KCNQ1: variants seen among roughly 807,000 people sequenced by gnomAD.
The protein encoded by KCNQ1 is potassium voltage-gated channel subfamily Q member 1.
Under a neutral mutation model 72.4 loss-of-function variants are expected in KCNQ1, and 49 were observed. That is an observed-to-expected ratio of 0.68 (90% CI 0.54 to 0.86). KCNQ1 has a LOEUF of 0.86. KCNQ1 is among the 40% of genes least tolerant of loss of function. The probability of loss-of-function intolerance (pLI) is 0.00; values close to 1 mark genes in which losing one functional copy is unlikely to be tolerated. For missense variants in KCNQ1, 790 were observed against 945.1 expected, an observed-to-expected ratio of 0.84 and a Z score of 2.15; for synonymous variants, 450 against 412.6, an observed-to-expected ratio of 1.09 and a Z score of -1.10.
rs1387746306 is a variant in KCNQ1 at position 2,710,692 on chromosome 11, T to C, written c.1514+48611T>C. Among the ~76,000 whole-genome samples, 1 of 152,244 alleles carries C rather than the reference T, an allele frequency of 6.6e-6. No individual in the cohort carries two copies. Among genetic ancestry groups the C allele is most frequent in the Non-Finnish European group, 1.5e-5 (1 of 68,044 alleles). On this transcript the variant is annotated intron_variant, in intron 11 of 15. Coordinates refer to ENST00000155840, the MANE Select transcript of KCNQ1 (RefSeq NM_000218.3). This position sits in a 1 kb window ranked among gnomAD's most constrained non-coding sequence, Gnocchi z 4.1. The stretch of plus-strand genomic sequence containing the variant: ...AGGGGTCTAACTTTATTCTTTGTCA[T>C]GTGGATAGACAGTTATCCCAACACC...
At chr11:2,558,239 G>A (rs1282205415) in intron 2 of KCNQ1, among the ~76,000 whole-genome samples, 5 of 152,202 alleles carry the variant, frequency 3.3e-5, no homozygotes, top group Admixed American at 1.3e-4. Context: ...TGCCCACATC[G>A]CTTGCTGGTG....
chr11:2,490,956 T>A (rs986957165), intron 1 of KCNQ1, among the ~76,000 whole-genome samples: 1 of 152,202 alleles, frequency 6.6e-6, no homozygotes, highest in Non-Finnish European at 1.5e-5. Context: ...TCTGCCCGCC[T>A]CGGCCTCCCA....
At chr11:2,616,938 G>A (rs1196370188) in intron 10 of KCNQ1, 1 of 395,568 alleles carries the variant, frequency 2.5e-6, no homozygotes, top group East Asian at 3.6e-5. Flanking sequence ...TTGGGCTTCT[G>A]TCTGGCTGTA....
intron 10 of KCNQ1, chr11:2,643,004 TGTG>T (rs777652306): frequency 5.0e-6 from 2 of 398,000 alleles, no homozygotes; most frequent in Non-Finnish European, 8.9e-6. Flanking sequence ...TTTATGCTAT[TGTG>T]GTCTGAGAAG....
rs572003359 is a variant in KCNQ1 at position 2,680,473 on chromosome 11, T to A, written c.1514+18392T>A. 1.3e-5 allele frequency: 5 copies of A among 398,352 alleles called. No individual in the cohort carries two copies. In the South Asian group the frequency reaches 6.4e-4, roughly 51 times the overall value. 24.7% of individuals were successfully genotyped at this position (398,352 alleles called of 1,614,324 possible). On this transcript the variant is annotated intron_variant, in intron 11 of 15. Coordinates refer to ENST00000155840, the MANE Select transcript of KCNQ1 (RefSeq NM_000218.3). ...GGGTATTTTTAGGAGGACTACTGAT[T>A]TTTTTTTAATTTGGGCATTTTTTAA...
At chr11:2,835,452 C>T (rs1372586393) in intron 15 of KCNQ1, among the ~76,000 whole-genome samples, 2 of 152,160 alleles carry the variant, frequency 1.3e-5, no homozygotes, top group Admixed American at 6.5e-5. Flanking sequence ...CCAGGCTCCT[C>T]GGCCAGTCAC....
chr11:2,632,958 G>A (rs1467920149), intron 10 of KCNQ1: 1 of 398,296 alleles, frequency 2.5e-6, no homozygotes, highest in Non-Finnish European at 4.4e-6. Context: ...CAAACTGTAT[G>A]ATAGTCTACT....
chr11:2,816,404 A>T lies in KCNQ1; in HGVS notation c.1795-31363A>T, dbSNP rs1216052776. On this transcript the variant is annotated intron_variant, in intron 15 of 15. Transcript: ENST00000155840. This position sits in a 1 kb window ranked among gnomAD's most constrained non-coding sequence, Gnocchi z 6.8. Reference sequence around the variant, plus strand: ...TGGTCAGGCTGCTGAAAGTGAGACCACACTCACCCTGTGGTCCAGTGATCT... The same window carrying T: ...TGGTCAGGCTGCTGAAAGTGAGACCTCACTCACCCTGTGGTCCAGTGATCT... Among the ~76,000 whole-genome samples the T allele has an allele frequency of 6.6e-6, 1 of 152,202 alleles. No homozygotes were observed. The highest frequency in any genetic ancestry group is 1.5e-5 in the Non-Finnish European group (1 of 68,032).
At chr11:2,696,508 T>C (rs1850679380) in intron 11 of KCNQ1, 2 of 398,568 alleles carry the variant, frequency 5.0e-6, no homozygotes, top group Admixed American at 8.8e-5. Context: ...GCAGAAGTCC[T>C]CTGCTCTCCT....
intron 15 of KCNQ1, among the ~76,000 whole-genome samples, chr11:2,831,592 AC>A (rs1346418009): frequency 4.6e-5 from 7 of 151,794 alleles, no homozygotes; most frequent in Admixed American, 1.3e-4. Flanking sequence ...CTGGATGGCC[AC>A]AACCATAGTG....
At chr11:2,456,002 A>T (rs1451552157) in intron 1 of KCNQ1, among the ~76,000 whole-genome samples, 2 of 152,244 alleles carry the variant, frequency 1.3e-5, no homozygotes, top group Admixed American at 1.3e-4. Context: ...ATGCAGAGGA[A>T]TGAAGTCAGA....
chr11:2,653,086 G>A lies in KCNQ1; in HGVS notation c.1394-8875G>A, dbSNP rs919291972. 2.5e-6 allele frequency: 1 copy of A among 398,612 alleles called. No homozygotes were observed. Among genetic ancestry groups the A allele is most frequent in the Non-Finnish European group, 4.4e-6 (1 of 226,134 alleles). 24.7% of individuals were successfully genotyped at this position (398,612 alleles called of 1,614,324 possible). A position where few individuals can be genotyped will look rare whatever the true frequency, so the allele number is the denominator to read the frequency against. The stretch of plus-strand genomic sequence containing the variant: ...GCATCAAACATCCTCATACAGCAGG[G>A]TGTGGAGAGAGGCTCACTGAAGGTT... On this transcript the variant is annotated intron_variant, in intron 10 of 15. Coordinates refer to ENST00000155840, the MANE Select transcript of KCNQ1 (RefSeq NM_000218.3). This position sits in a 1 kb window ranked among gnomAD's most constrained non-coding sequence, Gnocchi z 5.3.
Position 2,540,423 on chromosome 11 carries a change from C to T in KCNQ1, c.477+12405C>T, listed in dbSNP as rs1847805917. Among the ~76,000 whole-genome samples, 4 of 152,242 alleles carry T rather than the reference C, an allele frequency of 2.6e-5. No homozygotes were observed. The South Asian group carries it at 8.3e-4, about 32-fold the overall frequency. The stretch of plus-strand genomic sequence containing the variant: ...CGGCTCGAGCACCTCGGATCCCAGC[C>T]CCCTGTTCAGGGCCAGGCCTAGACA... On this transcript the variant is annotated intron_variant, in intron 2 of 15. Transcript: ENST00000155840.
chr11:2,794,502 C>T (rs756049826), intron 15 of KCNQ1, among the ~76,000 whole-genome samples: 1 of 152,026 alleles, frequency 6.6e-6, no homozygotes, highest in Non-Finnish European at 1.5e-5. Flanking sequence ...TTGGGGAGGC[C>T]GTGGTCAGGG....
chr11:2,691,659 G>C lies in KCNQ1; in HGVS notation c.1514+29578G>C. On this transcript the variant is annotated intron_variant, in intron 11 of 15. Transcript: ENST00000155840. This position sits in a 1 kb window ranked among gnomAD's most constrained non-coding sequence, Gnocchi z 6.4. ...CCTCTTTACCGCCACAGTTCCAAGG[G>C]TGAAACAGAGAACCAGGTGGGGAAG... 1 of 398,570 alleles carries C rather than the reference G, an allele frequency of 2.5e-6. No homozygotes were observed. Among genetic ancestry groups the C allele is most frequent in the Non-Finnish European group, 4.4e-6 (1 of 226,076 alleles). The allele number at this position is 398,570 out of a possible 1,614,324, so 24.7% of individuals were successfully genotyped here.
intron 10 of KCNQ1, chr11:2,629,033 C>T (rs1385162944): frequency 2.5e-5 from 10 of 398,030 alleles, no homozygotes; most frequent in Middle Eastern, 6.2e-4. Context: ...TAATATCTTT[C>T]ACTTTGTTCT....
Position 2,691,133 on chromosome 11 carries a change from CAG to C in KCNQ1, c.1514+29055_1514+29056del. 1 of 398,662 alleles carries C rather than the reference CAG, an allele frequency of 2.5e-6. No individual in the cohort carries two copies. Among genetic ancestry groups the C allele is most frequent in the Non-Finnish European group, 4.4e-6 (1 of 226,094 alleles). The allele number at this position is 398,662 out of a possible 1,614,324, so 24.7% of individuals were successfully genotyped here. On this transcript the variant is annotated intron_variant, in intron 11 of 15. Coordinates refer to ENST00000155840, the MANE Select transcript of KCNQ1 (RefSeq NM_000218.3). The surrounding 1 kb of genome is among the most constrained non-coding windows in gnomAD (Gnocchi z 6.4). ...GGGTGGAGGCTGTGCAGACCTGGTGCAGAGTCTGTGCTGGCCTCTGGCCTCTC... is the reference window on the plus strand; with the variant it reads ...GGGTGGAGGCTGTGCAGACCTGGTGCAGTCTGTGCTGGCCTCTGGCCTCTC...
chr11:2,567,876 T>C lies in KCNQ1; in HGVS notation c.478-2752T>C, dbSNP rs1431182188. Among the ~76,000 whole-genome samples, 1 of 152,236 alleles carries C rather than the reference T, an allele frequency of 6.6e-6. No homozygotes were observed. Among genetic ancestry groups the C allele is most frequent in the Non-Finnish European group, 1.5e-5 (1 of 68,042 alleles). On this transcript the variant is annotated intron_variant, in intron 2 of 15. Transcript: ENST00000155840. The surrounding 1 kb of genome is among the most constrained non-coding windows in gnomAD (Gnocchi z 6.6). ...CGCAGCTATCCACAGCAATCCTTAA[T>C]AGTTACTTATCTATTTCAGGGTATA...
intron 6 of KCNQ1, among the ~76,000 whole-genome samples, chr11:2,578,434 G>A (rs1465661836): frequency 1.3e-5 from 2 of 152,200 alleles, no homozygotes; most frequent in Admixed American, 6.5e-5. Flanking sequence ...GACAGGCATC[G>A]TGCCACGAGA....
Sources: allele counts gnomAD v4.1 joint callset (sites outside exome capture counted in the v4.1 genomes callset), GRCh38; gene constraint gnomAD v4.1.1; non-coding constraint Gnocchi (gnomAD v3.1); transcripts MANE v1.5; gene names NCBI Gene and HGNC (gene_info 2026-07-23, HGNC 2026-07-21).